The following TTC7A variants were observed in gnomAD, a reference collection of about 807,000 sequenced individuals.
TTC7A encodes the protein tetratricopeptide repeat protein 7A.
Under a neutral mutation model 103.7 loss-of-function variants are expected in TTC7A, and 110 were observed. The observed-to-expected ratio is 1.06, with a 90% CI of 0.91 to 1.24. The LOEUF (loss-of-function observed/expected upper bound fraction) is 1.24, where lower values mean the gene tolerates loss of function less well. TTC7A is among the 50% of genes most tolerant of loss of function. The pLI is 0.00. For missense variants in TTC7A, 1,340 were observed against 1,116.3 expected, an observed-to-expected ratio of 1.20 and a Z score of -2.86; for synonymous variants, 521 against 467.9, an observed-to-expected ratio of 1.11 and a Z score of -1.47.
chr2:46,996,765 A>T (rs780851343), intron 8 of TTC7A, among the ~76,000 whole-genome samples: 5 of 152,146 alleles, frequency 3.3e-5, no homozygotes, highest in Non-Finnish European at 7.4e-5. Context: ...GCCACATCTG[A>T]TTTTCATGGG....
At chr2:46,949,154 G>A (rs1183897627) in intron 1 of TTC7A, among the ~76,000 whole-genome samples, 1 of 152,222 alleles carries the variant, frequency 6.6e-6, no homozygotes, top group African/African-American at 2.4e-5. Context: ...CACCTCTGCT[G>A]TAGGTAGCAG....
intron 14 of TTC7A, among the ~76,000 whole-genome samples, chr2:47,024,642 G>A (rs923691371): frequency 1.3e-5 from 2 of 152,088 alleles, no homozygotes; most frequent in Admixed American, 6.5e-5. Context: ...GTGACCACCT[G>A]TCACTCATTT....
At chr2:47,051,997 G>C in intron 18 of TTC7A, 117 bp downstream of exon 18, 1 of 1,320,726 alleles carries the variant, frequency 7.6e-7, no homozygotes, top group Non-Finnish European at 1.0e-6. Flanking sequence ...AGGCCCACGC[G>C]GGTTACAGAG....
intron 8 of TTC7A, among the ~76,000 whole-genome samples, chr2:46,996,410 T>C (rs1558553944): frequency 6.6e-6 from 1 of 152,254 alleles, no homozygotes; most frequent in Admixed American, 6.5e-5. Context: ...TCCCGTGAGC[T>C]GGATCCCTGA....
Position 47,073,924 on chromosome 2 carries a change from C to G in TTC7A, c.*1C>G, listed in dbSNP as rs776304180. ...CTCCATCATCCCCAGAGAGCTCTGA[C>G]GACGCTGCAGCCGCAGGGAGGGAGG... On this transcript the variant is annotated 3_prime_UTR_variant, in exon 20 of 20. Transcript: ENST00000319190. 2 of 1,608,110 alleles carry G rather than the reference C, an allele frequency of 1.2e-6. No individual in the cohort carries two copies. The highest frequency in any genetic ancestry group is 1.3e-5 in the African/African-American group (1 of 74,798).
At chr2:47,042,176 A>C (rs1371346582) in intron 15 of TTC7A, among the ~76,000 whole-genome samples, 1 of 152,158 alleles carries the variant, frequency 6.6e-6, no homozygotes, top group East Asian at 1.9e-4. Context: ...TTCTTTATAG[A>C]TACTTTTACT....
Position 46,993,489 on chromosome 2 carries a change from GC to G in TTC7A, c.805del (p.Arg269GlyfsTer13). ...KGMRELREVL[R>X]TVETKATQNF... ...GCATGAGAGAGCTCCGGGAGGTGCT[GC>G]GGACTGTGGAGACCAAAGCAACTCA... is the stretch of plus-strand genomic sequence containing the variant. On this transcript the variant is annotated frameshift_variant, in exon 6 of 20. Coordinates refer to ENST00000319190, the MANE Select transcript of TTC7A (RefSeq NM_020458.4). LOFTEE classifies it high-confidence loss of function. The G allele has an allele frequency of 6.2e-7, 1 of 1,614,190 alleles. No homozygotes were observed. Among genetic ancestry groups the G allele is most frequent in the Non-Finnish European group, 8.5e-7 (1 of 1,180,040 alleles).
At position 47,074,100 on chromosome 2, in the gene TTC7A, A is replaced by G; in HGVS notation, c.*177A>G. ...GGCTGGGCCAAGAGGGCCTTCCTGGATTTCTTTGTTGGTGCCTTGGGAAAC... is the reference window on the plus strand; with the variant it reads ...GGCTGGGCCAAGAGGGCCTTCCTGGGTTTCTTTGTTGGTGCCTTGGGAAAC... On this transcript the variant is annotated 3_prime_UTR_variant, in exon 20 of 20. Transcript: ENST00000319190. The G allele has an allele frequency of 3.3e-6, 2 of 605,554 alleles. No homozygotes were observed. The highest frequency in any genetic ancestry group is 5.8e-6 in the Non-Finnish European group (2 of 342,942). The allele number at this position is 605,554 out of a possible 1,614,324, so 37.5% of individuals were successfully genotyped here.
At chr2:47,029,505 G>A (rs1680290393) in intron 15 of TTC7A, 121 bp downstream of exon 15, 2 of 1,122,912 alleles carry the variant, frequency 1.8e-6, no homozygotes, top group Non-Finnish European at 1.3e-6. Flanking sequence ...CCCGCTGCAT[G>A]CACAATCCCT....
At chr2:46,998,702 C>T (rs1343910032) in intron 8 of TTC7A, among the ~76,000 whole-genome samples, 1 of 152,170 alleles carries the variant, frequency 6.6e-6, no homozygotes, top group African/African-American at 2.4e-5. Context: ...TCATTGCTTC[C>T]ACCTCCAGGA....
At chr2:47,044,478 G>T (rs1682095005) in intron 15 of TTC7A, among the ~76,000 whole-genome samples, 2 of 152,150 alleles carry the variant, frequency 1.3e-5, no homozygotes, top group African/African-American at 2.4e-5. Context: ...TCCTACTCAG[G>T]GCTGTGTCCT....
At chr2:46,966,591 CTT>C (rs11336534) in intron 3 of TTC7A, among the ~76,000 whole-genome samples, 54 of 145,310 alleles carry the variant, frequency 3.7e-4, no homozygotes, top group Non-Finnish European at 3.6e-4. Context: ...TATGCTAAAT[CTT>C]TTTTTTTTTT....
chr2:47,004,668 G>C (rs1677184460), intron 8 of TTC7A, among the ~76,000 whole-genome samples: 1 of 152,056 alleles, frequency 6.6e-6, no homozygotes, highest in Non-Finnish European at 1.5e-5. Context: ...AGAGGGGAAT[G>C]AGCAGGAGAA....
rs1456746123 is a variant in TTC7A at position 47,007,490 on chromosome 2, G to C, written c.1287+766G>C. On this transcript the variant is annotated intron_variant, in intron 10 of 19. Coordinates refer to ENST00000319190, the MANE Select transcript of TTC7A (RefSeq NM_020458.4). The surrounding 1 kb of genome is among the most constrained non-coding windows in gnomAD (Gnocchi z 4.9). Reference sequence around the variant, plus strand: ...CATGAGCTTGCAGATTGTTCCAGGAGCTGTAAATATCCAGAGCCCTTTCAT... The same window carrying C: ...CATGAGCTTGCAGATTGTTCCAGGACCTGTAAATATCCAGAGCCCTTTCAT... Among the ~76,000 whole-genome samples, 3 of 152,202 alleles carry C rather than the reference G, an allele frequency of 2.0e-5. No individual in the cohort carries two copies. The highest frequency in any genetic ancestry group is 4.4e-5 in the Non-Finnish European group (3 of 68,020).
At chr2:47,027,065 T>G (rs1451938245) in intron 14 of TTC7A, among the ~76,000 whole-genome samples, 1 of 152,132 alleles carries the variant, frequency 6.6e-6, no homozygotes, top group African/African-American at 2.4e-5. Context: ...TTCCTGGCCC[T>G]CCACCCTCCA....
intron 2 of TTC7A, among the ~76,000 whole-genome samples, chr2:46,924,686 G>A (rs1669292114): frequency 6.6e-6 from 1 of 152,072 alleles, no homozygotes; most frequent in African/African-American, 2.4e-5. Flanking sequence ...GAGCGCAGTG[G>A]TGCGATCTCA....
intron 1 of TTC7A, among the ~76,000 whole-genome samples, chr2:46,949,880 A>C (rs1671259579): frequency 6.6e-6 from 1 of 152,166 alleles, no homozygotes; most frequent in African/African-American, 2.4e-5. Context: ...TGTTTAAAAC[A>C]AACAAACAAA....
chr2:46,968,046 A>G (rs976452573), intron 3 of TTC7A, among the ~76,000 whole-genome samples: 1 of 151,882 alleles, frequency 6.6e-6, no homozygotes, highest in African/African-American at 2.4e-5. Context: ...TCTGTTTTCT[A>G]CCTCTGCATC....
At chr2:46,977,601 C>G (rs2104256176) in intron 4 of TTC7A, among the ~76,000 whole-genome samples, 1 of 152,274 alleles carries the variant, frequency 6.6e-6, no homozygotes, top group South Asian at 2.1e-4. Context: ...AGTACGGTGC[C>G]TGGCATATAG....
Sources: allele counts gnomAD v4.1 joint callset (sites outside exome capture counted in the v4.1 genomes callset), GRCh38; gene constraint gnomAD v4.1.1; non-coding constraint Gnocchi (gnomAD v3.1); transcripts MANE v1.5; gene names NCBI Gene and HGNC (gene_info 2026-07-23, HGNC 2026-07-21).